Variants in CNTNAP3 observed in about 807,000 individuals in gnomAD.
CNTNAP3 encodes contactin associated protein family member 3.
Under a neutral mutation model 92.1 loss-of-function variants are expected in CNTNAP3, and 36 were observed. That is an observed-to-expected ratio of 0.39 (90% confidence interval 0.30 to 0.52). The LOEUF (loss-of-function observed/expected upper bound fraction) is 0.52. Ranked by LOEUF, CNTNAP3 falls within the 20% of genes least tolerant of loss-of-function variation. The probability of loss-of-function intolerance (pLI) is 0.76; values close to 1 mark genes in which losing one functional copy is unlikely to be tolerated. For missense variants in CNTNAP3, 534 were observed against 1,069.6 expected (o/e 0.50, Z 6.98); for synonymous variants, 232 against 422.3 (o/e 0.55, Z 5.53).
intron 9 of CNTNAP3, among the ~76,000 whole-genome samples, chr9:39,150,937 C>T (rs1160702932): frequency 4.1e-5 from 6 of 144,924 alleles, no homozygotes; most frequent in Admixed American, 6.9e-5. Context: ...CCAGTCCAAG[C>T]ATATAGGAAA....
chr9:39,128,278 A>G, intron 13 of CNTNAP3, among the ~76,000 whole-genome samples: 1 of 152,018 alleles, frequency 6.6e-6, no homozygotes, highest in East Asian at 2.0e-4. Flanking sequence ...AACCAGATAA[A>G]GACAATATGA....
intron 21 of CNTNAP3, among the ~76,000 whole-genome samples, chr9:39,084,781 TA>T (rs1826030376): frequency 6.6e-6 from 1 of 152,062 alleles, no homozygotes; most frequent in South Asian, 2.1e-4. Context: ...GTTCAAAGTA[TA>T]AAGTGTTTTA....
rs1465427529 is a variant in CNTNAP3, at chr9:39,144,306, G to A, written c.1690C>T (p.Gln564Ter). The A allele has an allele frequency of 4.4e-6, 7 of 1,573,760 alleles. No individual in the cohort carries two copies. The highest frequency in any genetic ancestry group is 2.3e-5 in the East Asian group (1 of 42,734). ...SYCEHGGECS[Q>*]SWDTFSCDCL... Reference sequence around the variant, plus strand: ...TCACAGGAGAAGGTGTCCCACGACTGGGAACACTCGCCCCCATGCTCACAG... The same window carrying A: ...TCACAGGAGAAGGTGTCCCACGACTAGGAACACTCGCCCCCATGCTCACAG... The change falls in exon 11 of 24, where the codon CAG becomes TAG. Residue 564 changes from glutamine (Q) to a stop codon, truncating the protein, a stop_gained. Coordinates refer to ENST00000297668, the MANE Select transcript of CNTNAP3 (RefSeq NM_033655.5). LOFTEE classifies it high-confidence loss of function.
rs554661009 is a variant in CNTNAP3 at position 39,122,077 on chromosome 9, G to T, written c.2081-3818C>A. 8.6e-4 allele frequency among the ~76,000 whole-genome samples: 131 copies of T among 152,292 alleles called. 1 individual carries two copies. Among genetic ancestry groups the T allele is most frequent in the African/African-American group, 3.0e-3 (123 of 41,560 alleles). On this transcript the variant is annotated intron_variant, in intron 13 of 23. Transcript: ENST00000297668. The stretch of plus-strand genomic sequence containing the variant: ...CTAAGAGTACAGGATGCTTCTGGCC[G>T]GGCGCGGTGGCTCACGCCTGTAATC...
intron 18 of CNTNAP3, among the ~76,000 whole-genome samples, chr9:39,095,341 G>T (rs1190462096): frequency 6.6e-6 from 1 of 151,534 alleles, no homozygotes; most frequent in African/African-American, 2.4e-5. Flanking sequence ...AATGACTTTA[G>T]CTGGAACTTC....
rs1005423186 is a variant in CNTNAP3 at position 39,105,182 on chromosome 9, C to G, written c.2366-1268G>C. On this transcript the variant is annotated intron_variant, in intron 15 of 23. Coordinates refer to ENST00000297668, the MANE Select transcript of CNTNAP3 (RefSeq NM_033655.5). ...GTGGCTCACGCCTGTAACCCCAGCACTTTGGGAGGCCAAGGCGGGCGGATC... is the reference window on the plus strand; with the variant it reads ...GTGGCTCACGCCTGTAACCCCAGCAGTTTGGGAGGCCAAGGCGGGCGGATC... 3.3e-4 allele frequency among the ~76,000 whole-genome samples: 51 copies of G among 152,254 alleles called. 1 individual carries two copies. The highest frequency in any genetic ancestry group is 1.5e-3 in the South Asian group (7 of 4,820).
rs1323268093 is a variant in CNTNAP3, at chr9:39,124,533, G to C, written c.2081-6274C>G. Among the ~76,000 whole-genome samples, 5 of 152,138 alleles carry C rather than the reference G, an allele frequency of 3.3e-5. No individual in the cohort carries two copies. In the East Asian group the frequency reaches 5.8e-4, roughly 18 times the overall value. On this transcript the variant is annotated intron_variant, in intron 13 of 23. Coordinates refer to ENST00000297668, the MANE Select transcript of CNTNAP3 (RefSeq NM_033655.5). Reference sequence around the variant, plus strand: ...AATGGGATCTAATTAAACTAAAGAGGTTCTGCACAGCAAAAGAAACTACCA... The same window carrying C: ...AATGGGATCTAATTAAACTAAAGAGCTTCTGCACAGCAAAAGAAACTACCA...
chr9:39,107,398 G>C (rs1485729574), intron 15 of CNTNAP3, among the ~76,000 whole-genome samples: 1 of 141,886 alleles, frequency 7.0e-6, no homozygotes, highest in East Asian at 2.4e-4. Context: ...GGGAGGGAGG[G>C]AGGAAGGAAG....
chr9:39,077,725 T>C (rs1825817160), intron 23 of CNTNAP3, among the ~76,000 whole-genome samples: 1 of 152,242 alleles, frequency 6.6e-6, no homozygotes, highest in Non-Finnish European at 1.5e-5. Context: ...CATAATTACT[T>C]CAGGTCCGTC....
In CNTNAP3 at chr9:39,072,362, C is replaced by T. The variant is rs1255411592; in HGVS notation, c.*1528G>A. On this transcript the variant is annotated 3_prime_UTR_variant, in exon 24 of 24. Coordinates refer to ENST00000297668, the MANE Select transcript of CNTNAP3 (RefSeq NM_033655.5). ...TTAGTCCTTGGTAGGCAGTTGGTAT[C>T]TGGAATATGAAGAGTGTAGCATCAT... 6.7e-6 allele frequency among the ~76,000 whole-genome samples: 1 copy of T among 148,350 alleles called. No homozygotes were observed. Among genetic ancestry groups the T allele is most frequent in the East Asian group, 2.0e-4 (1 of 5,066 alleles).
intron 18 of CNTNAP3, among the ~76,000 whole-genome samples, chr9:39,097,987 A>G (rs1280850252): frequency 2.7e-5 from 4 of 150,370 alleles, no homozygotes; most frequent in African/African-American, 7.3e-5. Context: ...TTTTATTTGA[A>G]TGTTACCTCC....
chr9:39,149,602 A>T (rs7048837), intron 10 of CNTNAP3, among the ~76,000 whole-genome samples: 6 of 151,196 alleles, frequency 4.0e-5, no homozygotes, highest in African/African-American at 9.7e-5. Flanking sequence ...GTGATCCGCC[A>T]GCCTCAGCCG....
At chr9:39,101,017 T>C (rs1826444312) in intron 17 of CNTNAP3, among the ~76,000 whole-genome samples, 1 of 150,562 alleles carries the variant, frequency 6.6e-6, no homozygotes, top group Non-Finnish European at 1.5e-5. Context: ...TCCACCGCAA[T>C]GAATGCTGAT....
intron 12 of CNTNAP3, chr9:39,139,791 C>CTGGA (rs768586376): frequency 6.7e-6 from 1 of 148,744 alleles, no homozygotes; most frequent in Non-Finnish European, 1.5e-5. Flanking sequence ...TGTCGTCAGG[C>CTGGA]TGGAGTGCAA....
At chr9:39,092,621 C>T (rs1826230881) in intron 18 of CNTNAP3, among the ~76,000 whole-genome samples, 1 of 136,832 alleles carries the variant, frequency 7.3e-6, no homozygotes, top group Admixed American at 7.1e-5. Context: ...TGTGTTGAGG[C>T]TTGATTTACA....
intron 13 of CNTNAP3, among the ~76,000 whole-genome samples, chr9:39,122,209 GC>G (rs1335705748): frequency 6.6e-6 from 1 of 152,204 alleles, no homozygotes; most frequent in Admixed American, 6.5e-5. Flanking sequence ...AAAAAAATTA[GC>G]CGGGCGTGGT....
rs776229361 is a variant in CNTNAP3, at chr9:39,103,728, A to G, written c.2536+16T>C. The G allele has an allele frequency of 2.4e-5, 39 of 1,608,892 alleles. No homozygotes were observed. Among genetic ancestry groups the G allele is most frequent in the Non-Finnish European group, 3.1e-5 (37 of 1,179,220 alleles). ...ATAATGGGTACCCTGTGACTTGTCC[A>G]GAGTGGCGAGCTTACCACGCAGCTC... is the stretch of plus-strand genomic sequence containing the variant. On this transcript the variant is annotated intron_variant, in intron 16 of 23. Transcript: ENST00000297668.
rs1029068 is a variant in CNTNAP3 at position 39,085,570 on chromosome 9, G to C, written c.3442+166C>G. 67,202 of 593,572 alleles carry C rather than the reference G, an allele frequency of 0.11. 5,704 individuals are homozygous for C. The highest frequency in any genetic ancestry group is 0.22 in the East Asian group (5,385 of 24,756). The allele number at this position is 593,572 out of a possible 1,614,324, so 36.8% of individuals were successfully genotyped here. A position where few individuals can be genotyped will look rare whatever the true frequency, so the allele number is the denominator to read the frequency against. ...TTGCACATCTCACAGGTAGCACTTA[G>C]TCATGATTATATGTACACTCAGGCA... On this transcript the variant is annotated intron_variant, in intron 21 of 23. Coordinates refer to ENST00000297668, the MANE Select transcript of CNTNAP3 (RefSeq NM_033655.5).
intron 19 of CNTNAP3, among the ~76,000 whole-genome samples, chr9:39,087,233 C>T (rs909142279): frequency 6.6e-6 from 1 of 152,194 alleles, no homozygotes; most frequent in African/African-American, 2.4e-5. Flanking sequence ...CATTCAGTTC[C>T]TGTAATTATA....
Sources: gnomAD v4.1 joint callset for allele counts (sites outside exome capture counted in the v4.1 genomes callset) on GRCh38, gnomAD v4.1.1 for gene constraint, MANE v1.5 for transcripts, NCBI Gene and HGNC (gene_info 2026-07-23, HGNC 2026-07-21) for gene names.